The following ACKR2 variants were observed in gnomAD, a reference collection of about 807,000 sequenced individuals.
The protein encoded by ACKR2 is atypical chemokine receptor 2.
For synonymous variants in ACKR2, 207 were observed against 192.2 expected (o/e 1.08, Z -0.64); for missense variants, 457 against 477.3 (o/e 0.96, Z 0.40).
chr3:42,837,237 G>T (rs1284828112), intron 2 of ACKR2, among the ~76,000 whole-genome samples: 1 of 151,678 alleles, frequency 6.6e-6, no homozygotes, highest in Admixed American at 6.6e-5. Context: ...TTTTTTGGAA[G>T]ATTGGGTTTC....
At chr3:42,838,219 T>C (rs868865020) in intron 2 of ACKR2, among the ~76,000 whole-genome samples, 49 of 152,308 alleles carry the variant, frequency 3.2e-4, no homozygotes, top group Admixed American at 9.2e-4. Flanking sequence ...TAAGAATGTG[T>C]GCTCTTCAAA....
chr3:42,855,103 C>A (rs2088299597), intron 2 of ACKR2, among the ~76,000 whole-genome samples: 1 of 152,118 alleles, frequency 6.6e-6, no homozygotes, highest in Non-Finnish European at 1.5e-5. Flanking sequence ...GTGATCCACC[C>A]ACCTTGGCCT....
At chr3:42,855,907 G>A (rs1559692683) in intron 2 of ACKR2, 1 of 154,266 alleles carries the variant, frequency 6.5e-6, no homozygotes, top group Non-Finnish European at 1.4e-5. Flanking sequence ...TGAAACAAAA[G>A]TCAGGGGACT....
chr3:42,850,517 C>T (rs927680326), intron 2 of ACKR2, among the ~76,000 whole-genome samples: 2 of 152,128 alleles, frequency 1.3e-5, no homozygotes, highest in Non-Finnish European at 2.9e-5. Flanking sequence ...ATTGCTCAGT[C>T]CAGGTGGAGA....
intron 2 of ACKR2, among the ~76,000 whole-genome samples, chr3:42,859,732 A>G (rs375247655): frequency 3.3e-5 from 5 of 152,116 alleles, no homozygotes; most frequent in Non-Finnish European, 7.4e-5. Context: ...ATATCCAGCC[A>G]AACTAAGCTT....
rs2125627110 is a variant in ACKR2, at chr3:42,865,563, C to T, written c.1061C>T (p.Thr354Ile). The change falls in exon 3 of 3, where the codon ACT (threonine) becomes ATT (isoleucine). Residue 354 changes from threonine (T) to isoleucine (I), a missense_variant. By Grantham distance (89) the Thr-to-Ile change is moderately conservative. Transcript: ENST00000422265. ...LSSCSESSIL[T>I]AQEEMTGMND... ...AGCTGTTCTGAGAGCAGCATACTTA[C>T]TGCCCAAGAGGAAATGACTGGCATG... 1 of 1,614,198 alleles carries T rather than the reference C, an allele frequency of 6.2e-7. No homozygotes were observed.
chr3:42,862,759 A>G (rs1202022812), intron 2 of ACKR2, among the ~76,000 whole-genome samples: 4 of 152,232 alleles, frequency 2.6e-5, no homozygotes, highest in African/African-American at 9.6e-5. Flanking sequence ...AGCAATGGGG[A>G]AAGGATTCTC....
At chr3:42,814,133 T>C (rs1700725026) in intron 1 of ACKR2, among the ~76,000 whole-genome samples, 1 of 152,216 alleles carries the variant, frequency 6.6e-6, no homozygotes, top group Non-Finnish European at 1.5e-5. Context: ...CAGTCAATTT[T>C]TGGTGAAGAT....
At position 42,819,689 on chromosome 3, in the gene ACKR2, G is replaced by A. The variant is rs1345529256; in HGVS notation, c.-60G>A. On this transcript the variant is annotated 5_prime_UTR_variant, in exon 2 of 3. Transcript: ENST00000422265. ...AGTCAGTACTGATTGAATTACTCAA[G>A]GCTGCCTCTCTGCAAAGTTGAGGTA... The A allele has an allele frequency of 1.3e-5, 2 of 152,302 alleles. No individual in the cohort carries two copies. Among genetic ancestry groups the A allele is most frequent in the Non-Finnish European group, 2.9e-5 (2 of 68,084 alleles). The allele number at this position is 152,302 out of a possible 1,614,324, so 9.4% of individuals were successfully genotyped here.
At chr3:42,826,498 G>A (rs1327782638) in intron 2 of ACKR2, among the ~76,000 whole-genome samples, 2 of 151,902 alleles carry the variant, frequency 1.3e-5, no homozygotes, top group African/African-American at 2.4e-5. Context: ...TGTCTTTCTA[G>A]AAATTTGTTC....
chr3:42,828,092 A>ATATATATATATATATTT (rs1193533555), intron 2 of ACKR2, among the ~76,000 whole-genome samples: 1 of 121,902 alleles, frequency 8.2e-6, no homozygotes, highest in Admixed American at 8.0e-5. Flanking sequence ...ATATATATAT[A>ATATATATATATATATTT]TTTTTTTTTT....
intron 2 of ACKR2, among the ~76,000 whole-genome samples, chr3:42,836,888 A>G (rs1022930065): frequency 6.6e-6 from 1 of 152,180 alleles, no homozygotes; most frequent in Non-Finnish European, 1.5e-5. Context: ...TTACTGTCAT[A>G]GTTTACTGGT....
At chr3:42,842,271 GTTT>G (rs1017472184) in intron 2 of ACKR2, among the ~76,000 whole-genome samples, 2 of 152,216 alleles carry the variant, frequency 1.3e-5, no homozygotes, top group East Asian at 3.9e-4. Flanking sequence ...TTCTAGTTAT[GTTT>G]TTATTTGTTT....
intron 2 of ACKR2, among the ~76,000 whole-genome samples, chr3:42,859,603 G>A (rs769790794): frequency 6.6e-6 from 1 of 152,054 alleles, no homozygotes; most frequent in East Asian, 1.9e-4. Context: ...GGATGGTCTC[G>A]ATCTCCTGAC....
At chr3:42,856,074 G>A in intron 2 of ACKR2, 1 of 361,060 alleles carries the variant, frequency 2.8e-6, no homozygotes, top group Non-Finnish European at 5.0e-6. Context: ...CACCAGCCAT[G>A]TGCTAGGAGT....
intron 2 of ACKR2, among the ~76,000 whole-genome samples, chr3:42,838,243 A>G (rs1701003725): frequency 6.6e-6 from 1 of 152,226 alleles, no homozygotes; most frequent in African/African-American, 2.4e-5. Flanking sequence ...CACTAAGAGA[A>G]TAAAACACAA....
Position 42,864,542 on chromosome 3 carries a change from G to T in ACKR2, c.40G>T (p.Asp14Tyr). ...TASPQPLATE[D>Y]ADSENSSFYY... is the part of the protein sequence containing the mutation. Reference sequence around the variant, plus strand: ...CTCTCCGCAGCCACTCGCCACTGAGGATGCCGATTCTGAGAATAGCAGCTT... The same window carrying T: ...CTCTCCGCAGCCACTCGCCACTGAGTATGCCGATTCTGAGAATAGCAGCTT... The change falls in exon 3 of 3, where the codon GAT becomes TAT. Residue 14 changes from aspartate to tyrosine, a missense_variant. Transcript: ENST00000422265. The T allele has an allele frequency of 6.2e-7, 1 of 1,612,230 alleles. No individual in the cohort carries two copies. The highest frequency in any genetic ancestry group is 8.5e-7 in the Non-Finnish European group (1 of 1,178,652).
chr3:42,830,160 A>G (rs916107127), intron 2 of ACKR2, among the ~76,000 whole-genome samples: 2 of 152,164 alleles, frequency 1.3e-5, no homozygotes, highest in African/African-American at 2.4e-5. Context: ...TCCTCCTCCA[A>G]TGACCATGTG....
intron 2 of ACKR2, among the ~76,000 whole-genome samples, chr3:42,828,129 A>T (rs1462733220): frequency 5.0e-5 from 6 of 119,940 alleles, no homozygotes; most frequent in African/African-American, 1.6e-4. Context: ...TTCTTTTCTG[A>T]GACAGAGTCT....
Sources: allele counts gnomAD v4.1 joint callset (sites outside exome capture counted in the v4.1 genomes callset), GRCh38; gene constraint gnomAD v4.1.1; transcripts MANE v1.5; gene names NCBI Gene and HGNC (gene_info 2026-07-23, HGNC 2026-07-21).